Variants in SPICE1 observed in about 807,000 individuals in gnomAD.
SPICE1 encodes spindle and centriole associated protein 1.
SPICE1 carries 75 observed loss-of-function variants against 102.7 expected under a neutral mutation model. The ratio of observed to expected loss-of-function variants is 0.73; its 90% CI spans 0.61 to 0.88. The LOEUF (loss-of-function observed/expected upper bound fraction) is 0.88, where lower values mean the gene tolerates loss of function less well. Ranked by LOEUF, SPICE1 falls within the 40% of genes least tolerant of loss-of-function variation. The pLI, the probability that SPICE1 is intolerant of heterozygous loss-of-function variation, is 0.00. For synonymous variants in SPICE1, 308 were observed against 350.3 expected (o/e 0.88, Z 1.35); for missense variants, 979 against 1,020.1 (o/e 0.96, Z 0.55).
At position 113,468,285 on chromosome 3, in the gene SPICE1, T is replaced by C. The variant is rs1226994503; in HGVS notation, c.1009A>G (p.Met337Val). ...TNSNLDVLKH[M>V]IHEVEHEMEE... ...ATTTCATGTTCCACTTCATGTATCA[T>C]GTGTTTGAGGACATCCAGGTTGGAA... The change falls in exon 10 of 18, where the codon ATG becomes GTG. Residue 337 changes from methionine to valine, a missense_variant. Coordinates refer to ENST00000295872, the MANE Select transcript of SPICE1 (RefSeq NM_144718.4). 1 of 1,614,116 alleles carries C rather than the reference T, an allele frequency of 6.2e-7. No homozygotes were observed. The highest frequency in any genetic ancestry group is 1.6e-4 in the Middle Eastern group (1 of 6,062).
chr3:113,495,225 A>C (rs377304461), intron 4 of SPICE1, among the ~76,000 whole-genome samples: 1 of 152,206 alleles, frequency 6.6e-6, no homozygotes, highest in Non-Finnish European at 1.5e-5. Context: ...TGGCATTCTC[A>C]AGTTAAAAAG....
Position 113,453,505 on chromosome 3 carries a change from C to T in SPICE1, c.2103G>A (p.Arg701=), listed in dbSNP as rs1261384788. 6.2e-7 allele frequency: 1 copy of T among 1,612,778 alleles called. No individual in the cohort carries two copies. Among genetic ancestry groups the T allele is most frequent in the Non-Finnish European group, 8.5e-7 (1 of 1,179,096 alleles). ...TTGCACTTTCTTGTTTGTTCAACTC[C>T]CGGAGTCCATCCCCTTGCTCTCCTC... ...EPRGEQGDGL[R]ELNKQESASD... is the part of the protein sequence containing the mutation. Residue 701 remains arginine, a synonymous_variant, in exon 14 of 18, where the codon CGG becomes CGA. Transcript: ENST00000295872.
chr3:113,492,795 G>A (rs891515764), intron 6 of SPICE1, among the ~76,000 whole-genome samples: 1 of 152,144 alleles, frequency 6.6e-6, no homozygotes, highest in Non-Finnish European at 1.5e-5. Flanking sequence ...CAGCTAGTAA[G>A]TAGATCCACC....
intron 7 of SPICE1, among the ~76,000 whole-genome samples, chr3:113,487,195 A>G (rs1262456177): frequency 1.3e-5 from 2 of 152,134 alleles, no homozygotes; most frequent in Non-Finnish European, 2.9e-5. Flanking sequence ...CAGCAATTCC[A>G]AAACTATTTT....
chr3:113,502,173 C>T (rs1054118522), intron 3 of SPICE1, among the ~76,000 whole-genome samples: 1 of 152,012 alleles, frequency 6.6e-6, no homozygotes, highest in Non-Finnish European at 1.5e-5. Flanking sequence ...CCCAGGAGTT[C>T]GAGACCAGCC....
At position 113,506,492 on chromosome 3, in the gene SPICE1, C is replaced by A. The variant is rs1210901139; in HGVS notation, c.99+15G>T. On this transcript the variant is annotated intron_variant, in intron 2 of 17. Transcript: ENST00000295872. ...AGAGTAATGTTACATTATTTACTAT[C>A]CCACCTATACTCACATCCCATTCTT... The A allele has an allele frequency of 2.5e-6, 4 of 1,586,766 alleles. No individual in the cohort carries two copies. In the African/African-American group the frequency reaches 5.4e-5, roughly 21 times the overall value.
At chr3:113,448,833 T>C (rs1282590017) in intron 15 of SPICE1, 1 of 152,188 alleles carries the variant, frequency 6.6e-6, no homozygotes, top group African/African-American at 2.4e-5. Flanking sequence ...AAAGAGGTTT[T>C]TCATGATATA....
chr3:113,465,810 C>A, intron 10 of SPICE1, 26 bp from the exon 11 acceptor site: 1 of 1,602,262 alleles, frequency 6.2e-7, no homozygotes, highest in Non-Finnish European at 8.5e-7. Flanking sequence ...AAATAAACTT[C>A]CACCAATAGC....
At position 113,488,100 on chromosome 3, in the gene SPICE1, CAA is replaced by C. The variant is rs201364297; in HGVS notation, c.611+843_611+844del. Among the ~76,000 whole-genome samples the C allele has an allele frequency of 3.5e-3, 533 of 152,068 alleles. 6 individuals are homozygous for C. Among genetic ancestry groups the C allele is most frequent in the East Asian group, 0.022 (112 of 5,170 alleles). On this transcript the variant is annotated intron_variant, in intron 7 of 17. Transcript: ENST00000295872. ...ATTAGTTCTTCAATCATCCAAAAAA[CAA>C]AATAAACATTACTGTGACAACTGGA...
chr3:113,514,513 T>C (rs1937285111), intron 1 of SPICE1: 3 of 387,598 alleles, frequency 7.7e-6, no homozygotes, highest in East Asian at 7.4e-5. Context: ...TTCTTTCCAG[T>C]GTTCTCTCAC....
chr3:113,472,696 C>A (rs1936236331), intron 7 of SPICE1, among the ~76,000 whole-genome samples: 1 of 152,184 alleles, frequency 6.6e-6, no homozygotes, highest in Non-Finnish European at 1.5e-5. Flanking sequence ...GGACCTCTAG[C>A]AAACTCCAAC....
At chr3:113,512,626 C>T (rs762713014) in intron 1 of SPICE1, among the ~76,000 whole-genome samples, 9 of 152,066 alleles carry the variant, frequency 5.9e-5, no homozygotes, top group Admixed American at 2.0e-4. Context: ...TCAGGCTGGT[C>T]TCGAACTCCT....
rs971508870 is a variant in SPICE1, at chr3:113,465,553, C to T, written c.1287+100G>A. On this transcript the variant is annotated intron_variant, in intron 11 of 17. Transcript: ENST00000295872. Reference sequence around the variant, plus strand: ...AAAAATGACTGATAAGTAATCACATCGATACAGTTAAACCAAAAGCAACTC... The same window carrying T: ...AAAAATGACTGATAAGTAATCACATTGATACAGTTAAACCAAAAGCAACTC... The T allele has an allele frequency of 2.2e-5, 22 of 1,001,282 alleles. No individual in the cohort carries two copies. The South Asian group carries it at 2.2e-4, about 10-fold the overall frequency. The allele number at this position is 1,001,282 out of a possible 1,614,324, so 62.0% of individuals were successfully genotyped here.
chr3:113,506,621 A>C lies in SPICE1; in HGVS notation c.1-16T>G, dbSNP rs1349834939. 1.9e-6 allele frequency: 3 copies of C among 1,598,688 alleles called. No homozygotes were observed. In the African/African-American group the frequency reaches 4.0e-5, roughly 21 times the overall value. On this transcript the variant is annotated splice_polypyrimidine_tract_variant and intron_variant, in intron 1 of 17. Coordinates refer to ENST00000295872, the MANE Select transcript of SPICE1 (RefSeq NM_144718.4). ...CAAATGACATCTAGGAATAATAATC[A>C]CATCAAATTTTTAAAATACAAGAAA...
rs780399143 is a variant in SPICE1, at chr3:113,460,768, G to C, written c.1288-4C>G. 6.3e-7 allele frequency: 1 copy of C among 1,582,280 alleles called. No homozygotes were observed. The highest frequency in any genetic ancestry group is 8.6e-7 in the Non-Finnish European group (1 of 1,168,318). ...CCATGTACTGCTGAAGTCTTGCCTG[G>C]GGAGGAAAACATATGAAATAATATT... On this transcript the variant is annotated splice_region_variant and splice_polypyrimidine_tract_variant and intron_variant, in intron 11 of 17. Coordinates refer to ENST00000295872, the MANE Select transcript of SPICE1 (RefSeq NM_144718.4).
chr3:113,497,758 C>CTGGAG (rs1396735632), intron 4 of SPICE1, among the ~76,000 whole-genome samples: 1 of 137,042 alleles, frequency 7.3e-6, no homozygotes, highest in Non-Finnish European at 1.5e-5. Flanking sequence ...GTTGCCCAGG[C>CTGGAG]TGGAGTGCAG....
At chr3:113,452,948 A>G (rs1046012410) in intron 14 of SPICE1, among the ~76,000 whole-genome samples, 4 of 152,168 alleles carry the variant, frequency 2.6e-5, no homozygotes, top group Admixed American at 2.6e-4. Flanking sequence ...ACTGCACTCC[A>G]GCTTGGGCAA....
chr3:113,499,711 T>C (rs1485808522), intron 3 of SPICE1, 129 bp from the exon 4 acceptor site: 5 of 906,624 alleles, frequency 5.5e-6, no homozygotes, highest in Non-Finnish European at 7.5e-6. Context: ...TGCATGTTTA[T>C]ATATATTCAT....
At chr3:113,512,285 C>G (rs1937235705) in intron 1 of SPICE1, among the ~76,000 whole-genome samples, 1 of 152,078 alleles carries the variant, frequency 6.6e-6, no homozygotes, top group Non-Finnish European at 1.5e-5. Context: ...TTGCCCTTCT[C>G]TTGCCATCCA....
Sources: gnomAD v4.1 joint callset for allele counts (sites outside exome capture counted in the v4.1 genomes callset) on GRCh38, gnomAD v4.1.1 for gene constraint, MANE v1.5 for transcripts, NCBI Gene and HGNC (gene_info 2026-07-23, HGNC 2026-07-21) for gene names.